Variants in EPB41L4A observed in about 807,000 individuals in gnomAD.
EPB41L4A encodes band 4.1-like protein 4A.
Under a neutral mutation model 108.6 loss-of-function variants are expected in EPB41L4A, and 100 were observed. The observed-to-expected ratio is 0.92, with a 90% CI of 0.78 to 1.09. The LOEUF is 1.09. Ranked by LOEUF, EPB41L4A falls within the 50% of genes least tolerant of loss-of-function variation. EPB41L4A has a pLI of 0.00. For missense variants in EPB41L4A, 1,030 were observed against 842.7 expected (o/e 1.22, Z -2.75); for synonymous variants, 319 against 289.0 (o/e 1.10, Z -1.05).
intron 9 of EPB41L4A, chr5:112,257,185 G>A (rs1751157830): frequency 6.6e-6 from 1 of 152,154 alleles, no homozygotes; most frequent in South Asian, 2.1e-4. Flanking sequence ...GTAAATCACT[G>A]CCTCACAGAG....
At chr5:112,293,936 T>C (rs760577072) in intron 2 of EPB41L4A, among the ~76,000 whole-genome samples, 1 of 152,240 alleles carries the variant, frequency 6.6e-6, no homozygotes, top group Non-Finnish European at 1.5e-5. Context: ...AATCTACTTT[T>C]AGAAGTGCTA....
chr5:112,316,008 A>G (rs553907512), intron 1 of EPB41L4A, among the ~76,000 whole-genome samples: 3 of 152,334 alleles, frequency 2.0e-5, no homozygotes, highest in African/African-American at 7.2e-5. Context: ...CTCTTAGCAA[A>G]TGAGATAGAT....
downstream of EPB41L4A, chr5:112,162,452 A>G (rs1759966134): frequency 6.6e-6 from 1 of 152,242 alleles, no homozygotes; most frequent in South Asian, 2.1e-4. Flanking sequence ...TGGCCCAAAG[A>G]GAAATGTACT....
At chr5:112,367,694 T>C (rs1044044463) in intron 1 of EPB41L4A, among the ~76,000 whole-genome samples, 1 of 152,220 alleles carries the variant, frequency 6.6e-6, no homozygotes, top group Non-Finnish European at 1.5e-5. Context: ...CGCAAACGCC[T>C]CTGCATTTAA....
chr5:112,359,565 G>T (rs868703309), intron 1 of EPB41L4A, among the ~76,000 whole-genome samples: 1 of 150,956 alleles, frequency 6.6e-6, no homozygotes, highest in Admixed American at 6.6e-5. Flanking sequence ...TTTTGAGACG[G>T]AGTCTTGCTC....
In EPB41L4A at chr5:112,163,559, C is replaced by G. The variant is rs1760046292; in HGVS notation, c.*1431G>C. On this transcript the variant is annotated 3_prime_UTR_variant, in exon 23 of 23. Coordinates refer to ENST00000261486, the MANE Select transcript of EPB41L4A (RefSeq NM_022140.5). ...GCAAAATAGGATTATATTAAAGAAG[C>G]AAAAGAATGTCCTAAAAATTCTCCC... 1 of 152,048 alleles carries G rather than the reference C, an allele frequency of 6.6e-6. No homozygotes were observed. The highest frequency in any genetic ancestry group is 6.6e-5 in the Admixed American group (1 of 15,260). 9.4% of individuals were successfully genotyped at this position (152,048 alleles called of 1,614,324 possible).
chr5:112,294,339 G>T (rs1464764), intron 2 of EPB41L4A, among the ~76,000 whole-genome samples: 54,035 of 151,954 alleles, frequency 0.36, 11,027 homozygotes, highest in African/African-American at 0.57. Context: ...CCCAGTGAGC[G>T]GCCCACACAG....
chr5:112,316,230 T>C lies in EPB41L4A; in HGVS notation c.100-8740A>G, dbSNP rs577975060. On this transcript the variant is annotated intron_variant, in intron 1 of 22. Coordinates refer to ENST00000261486, the MANE Select transcript of EPB41L4A (RefSeq NM_022140.5). ...ACCAGAAAGGCAGGTTCCTGCCAGC[T>C]TCACAGAATGATAACTATTACATCT... is the stretch of plus-strand genomic sequence containing the variant. Among the ~76,000 whole-genome samples the C allele has an allele frequency of 3.9e-4, 59 of 152,326 alleles. 1 individual carries two copies. Among genetic ancestry groups the C allele is most frequent in the African/African-American group, 1.3e-3 (54 of 41,588 alleles).
At chr5:112,277,921 G>A (rs978178796) in intron 3 of EPB41L4A, among the ~76,000 whole-genome samples, 1 of 152,166 alleles carries the variant, frequency 6.6e-6, no homozygotes, top group African/African-American at 2.4e-5. Flanking sequence ...AAACTCTTAT[G>A]TAAAGTGAAG....
intron 3 of EPB41L4A, among the ~76,000 whole-genome samples, chr5:112,278,639 T>C (rs1752763236): frequency 6.6e-6 from 1 of 152,170 alleles, no homozygotes; most frequent in Non-Finnish European, 1.5e-5. Flanking sequence ...ACCATGTAAA[T>C]AAGTAGACAC....
At chr5:112,336,969 G>C (rs570233976) in intron 1 of EPB41L4A, among the ~76,000 whole-genome samples, 1 of 152,230 alleles carries the variant, frequency 6.6e-6, no homozygotes, top group Non-Finnish European at 1.5e-5. Flanking sequence ...AATACAACCT[G>C]TCTGTAGTTA....
At chr5:112,370,936 C>T (rs201930676) in intron 1 of EPB41L4A, among the ~76,000 whole-genome samples, 391 of 152,240 alleles carry the variant, frequency 2.6e-3, no homozygotes, top group Non-Finnish European at 4.2e-3. Context: ...GAGACTCTGT[C>T]TCAAAAAAGT....
At position 112,168,778 on chromosome 5, in the gene EPB41L4A, A is replaced by AGAAT; in HGVS notation, c.1892_1893insATTC (p.Ser632PhefsTer20). ...CATCCCCAGAACCCTGAGCATCCGA[A>AGAAT]GAACGGGTCACCGGAAGTGGTGGTA... On this transcript the variant is annotated frameshift_variant, in exon 22 of 23. Coordinates refer to ENST00000261486, the MANE Select transcript of EPB41L4A (RefSeq NM_022140.5). LOFTEE classifies it high-confidence loss of function. 6.2e-7 allele frequency: 1 copy of AGAAT among 1,614,182 alleles called. No homozygotes were observed. The highest frequency in any genetic ancestry group is 8.5e-7 in the Non-Finnish European group (1 of 1,180,002).
At chr5:112,336,817 G>T (rs961260965) in intron 1 of EPB41L4A, among the ~76,000 whole-genome samples, 83 of 152,152 alleles carry the variant, frequency 5.5e-4, no homozygotes, top group Non-Finnish European at 8.8e-4. Context: ...TGTCCTAGAG[G>T]TATTTGGGGT....
intron 1 of EPB41L4A, among the ~76,000 whole-genome samples, chr5:112,362,089 C>G (rs571318348): frequency 2.0e-5 from 3 of 152,148 alleles, no homozygotes; most frequent in African/African-American, 7.2e-5. Flanking sequence ...GTAACACAAT[C>G]ATAGCATTAA....
chr5:112,388,637 A>T (rs1345475826), intron 1 of EPB41L4A, among the ~76,000 whole-genome samples: 2 of 152,174 alleles, frequency 1.3e-5, no homozygotes, highest in East Asian at 3.8e-4. Context: ...GCCTTGACAC[A>T]AGACACTGCT....
At chr5:112,205,191 T>C (rs1467041168) in intron 14 of EPB41L4A, among the ~76,000 whole-genome samples, 3 of 152,198 alleles carry the variant, frequency 2.0e-5, no homozygotes, top group African/African-American at 7.2e-5. Flanking sequence ...ATTTCCTAGG[T>C]TTCCCTTTTG....
At chr5:112,365,638 C>T (rs1444288399) in intron 1 of EPB41L4A, among the ~76,000 whole-genome samples, 2 of 152,210 alleles carry the variant, frequency 1.3e-5, no homozygotes, top group African/African-American at 2.4e-5. Flanking sequence ...TGGCACATTA[C>T]GATGAAGTGA....
intron 9 of EPB41L4A, among the ~76,000 whole-genome samples, chr5:112,243,680 C>T (rs1749984429): frequency 6.6e-6 from 1 of 152,172 alleles, no homozygotes; most frequent in Non-Finnish European, 1.5e-5. Context: ...GTACTTGCTG[C>T]TTCACCTTGT....
Sources: allele counts gnomAD v4.1 joint callset (sites outside exome capture counted in the v4.1 genomes callset), GRCh38; gene constraint gnomAD v4.1.1; transcripts MANE v1.5; gene names NCBI Gene and HGNC (gene_info 2026-07-23, HGNC 2026-07-21).